The following MEF2C variants were observed in gnomAD, a reference collection of about 807,000 sequenced individuals.
The protein encoded by MEF2C is myocyte-specific enhancer factor 2C.
Under a neutral mutation model 50.5 loss-of-function variants are expected in MEF2C, and 6 were observed. That is an observed-to-expected ratio of 0.12 (90% CI 0.07 to 0.23). The LOEUF is 0.23. Ranked by LOEUF, MEF2C falls within the 10% of genes least tolerant of loss-of-function variation. MEF2C has a pLI of 1.00. For missense variants in MEF2C, 276 were observed against 605.0 expected (o/e 0.46, Z 5.70); for synonymous variants, 183 against 228.0 (o/e 0.80, Z 1.78).
intron 1 of MEF2C, among the ~76,000 whole-genome samples, chr5:88,855,385 C>T (rs540424076): frequency 3.9e-5 from 6 of 152,040 alleles, no homozygotes; most frequent in South Asian, 2.1e-4. Flanking sequence ...CTTCTTTTAA[C>T]GATTTTGGAT....
chr5:88,736,940 C>T (rs547613861), intron 6 of MEF2C: 20 of 985,072 alleles, frequency 2.0e-5, no homozygotes, highest in Non-Finnish European at 2.0e-5. Context: ...AAAGTTCCAA[C>T]TCTTTCATGA....
chr5:88,718,727 G>T lies in MEF2C; in HGVS notation c.*3877C>A, dbSNP rs946398937. The stretch of plus-strand genomic sequence containing the variant: ...ATCAATTTGAGGTATGAACAGGGAA[G>T]GCAAAATGCAATACCAGATTATGAA... On this transcript the variant is annotated 3_prime_UTR_variant, in exon 11 of 11. Coordinates refer to ENST00000504921, the MANE Select transcript of MEF2C (RefSeq NM_002397.5). 2.0e-5 allele frequency: 3 copies of T among 152,240 alleles called. No individual in the cohort carries two copies. Among genetic ancestry groups the T allele is most frequent in the East Asian group, 3.9e-4 (2 of 5,186 alleles). 9.4% of individuals were successfully genotyped at this position (152,240 alleles called of 1,614,324 possible).
Position 88,722,662 on chromosome 5 carries a change from T to G in MEF2C, c.1364A>C (p.Asp455Ala). The G allele has an allele frequency of 6.2e-7, 1 of 1,613,824 alleles. No individual in the cohort carries two copies. The highest frequency in any genetic ancestry group is 8.5e-7 in the Non-Finnish European group (1 of 1,179,848). ...SPIGLTRPSP[D>A]ERESPSVKRM... The stretch of plus-strand genomic sequence containing the variant: ...CTTGACTGAGGGACTTTCCCTTTCG[T>G]CCGGCGAAGGTCTGGTGAGTCCAAT... Residue 455 changes from aspartate to alanine, a missense_variant, in exon 11 of 11, where the codon GAC becomes GCC. Around this residue, in one of 2 missense-constraint regions of MEF2C, gnomAD observed 256 missense variants for 468.1 expected, o/e 0.55. Coordinates refer to ENST00000504921, the MANE Select transcript of MEF2C (RefSeq NM_002397.5).
rs1490130440 is a variant in MEF2C, at chr5:88,751,938, A to G, written c.508T>C (p.Leu170=). The part of the protein sequence containing the change: ...PVSSLGNPNL[L]PLAHPSLQRN... ...TGCAGAGAAGGGTGAGCCAGTGGCA[A>G]TAGGTTGGGGTTTCCCAGTGAGCTG... is the stretch of plus-strand genomic sequence containing the variant. The change falls in exon 5 of 11, where the codon TTG becomes CTG. Residue 170 remains leucine (L), a synonymous_variant. Transcript: ENST00000504921. 17 of 1,614,012 alleles carry G rather than the reference A, an allele frequency of 1.1e-5. No individual in the cohort carries two copies. Among genetic ancestry groups the G allele is most frequent in the Non-Finnish European group, 1.3e-5 (15 of 1,179,878 alleles).
rs538732630 is a variant in MEF2C at position 88,775,551 on chromosome 5, T to G, written c.259-14223A>C. ...GGCCTATATAGACTAAGTTACTTTA[T>G]TATCAGGTTAATTTTTTTCAAAATT... On this transcript the variant is annotated intron_variant, in intron 3 of 10. Transcript: ENST00000504921. Among the ~76,000 whole-genome samples the G allele has an allele frequency of 2.6e-5, 4 of 152,324 alleles. No homozygotes were observed. The South Asian group carries it at 8.3e-4, about 32-fold the overall frequency.
rs2152204096 is a variant in MEF2C, at chr5:88,728,421, C to T, written c.1100+72G>A. On this transcript the variant is annotated intron_variant, in intron 10 of 10. Coordinates refer to ENST00000504921, the MANE Select transcript of MEF2C (RefSeq NM_002397.5). ...TACCCGTTAATGGGATATTGAAGCA[C>T]ATATTTAGAGACTGTCATTTGTTTT... is the stretch of plus-strand genomic sequence containing the variant. 4 of 1,178,722 alleles carry T rather than the reference C, an allele frequency of 3.4e-6. No individual in the cohort carries two copies. The East Asian group carries it at 9.0e-5, about 27-fold the overall frequency. The allele number at this position is 1,178,722 out of a possible 1,614,324, so 73.0% of individuals were successfully genotyped here.
chr5:88,787,508 T>A (rs2152934503), intron 3 of MEF2C, among the ~76,000 whole-genome samples: 1 of 152,294 alleles, frequency 6.6e-6, no homozygotes, highest in East Asian at 1.9e-4. Context: ...AATGAGAGTG[T>A]GTGATGTTGC....
At chr5:88,780,676 T>C (rs1787529524) in intron 3 of MEF2C, 1 of 797,428 alleles carries the variant, frequency 1.3e-6, no homozygotes, top group Non-Finnish European at 1.5e-6. Context: ...ACATATATAT[T>C]TCACTGTTAA....
At chr5:88,785,685 C>A (rs1790516286) in intron 3 of MEF2C, 1 of 152,148 alleles carries the variant, frequency 6.6e-6, no homozygotes, top group Admixed American at 6.5e-5. Flanking sequence ...ACACGACGTA[C>A]ATTATTTTAC....
chr5:88,722,096 T>G lies in MEF2C; in HGVS notation c.*508A>C, dbSNP rs1386239844. 6.5e-6 allele frequency: 1 copy of G among 153,838 alleles called. No individual in the cohort carries two copies. The highest frequency in any genetic ancestry group is 6.4e-5 in the Admixed American group (1 of 15,506). 9.5% of individuals were successfully genotyped at this position (153,838 alleles called of 1,614,324 possible). On this transcript the variant is annotated 3_prime_UTR_variant, in exon 11 of 11. Transcript: ENST00000504921. ...ATACGCCAATGATATGCCTGCAGGT[T>G]TGTGAGCATTCTTGGGATGTCAGGT...
At chr5:88,865,538 G>A (rs1827016080) in intron 1 of MEF2C, among the ~76,000 whole-genome samples, 1 of 152,052 alleles carries the variant, frequency 6.6e-6, no homozygotes. Flanking sequence ...GGTAATCCAG[G>A]CCTTTACAGT....
chr5:88,827,982 TA>T (rs1053128544), intron 1 of MEF2C, among the ~76,000 whole-genome samples: 4 of 151,608 alleles, frequency 2.6e-5, no homozygotes, highest in Non-Finnish European at 5.9e-5. Flanking sequence ...CGAGGTTCTT[TA>T]AAAAAATTCA....
intron 1 of MEF2C, chr5:88,888,903 T>C (rs886842471): frequency 1.3e-5 from 2 of 152,226 alleles, no homozygotes; most frequent in African/African-American, 2.4e-5. Flanking sequence ...TTGTTAAATG[T>C]TGTTCATCAG....
At chr5:88,732,073 T>C (rs1448463766) in intron 6 of MEF2C, among the ~76,000 whole-genome samples, 172 bp from the exon 7 acceptor site, 3 of 152,178 alleles carry the variant, frequency 2.0e-5, no homozygotes, top group Non-Finnish European at 4.4e-5. Flanking sequence ...AAGTATTCAA[T>C]AGTCCTCTGA....
chr5:88,750,503 T>C (rs1288175246), intron 5 of MEF2C, among the ~76,000 whole-genome samples: 1 of 152,140 alleles, frequency 6.6e-6, no homozygotes, highest in Non-Finnish European at 1.5e-5. Flanking sequence ...CCACTGCATC[T>C]GGCCTTCGTT....
intron 3 of MEF2C, among the ~76,000 whole-genome samples, chr5:88,791,151 T>C (rs536391357): frequency 2.6e-5 from 4 of 152,332 alleles, no homozygotes; most frequent in African/African-American, 9.6e-5. Flanking sequence ...GGCTAGAATG[T>C]AACATTTGGT....
intron 6 of MEF2C, chr5:88,733,949 T>C: frequency 1.0e-6 from 1 of 985,250 alleles, no homozygotes; most frequent in Non-Finnish European, 1.2e-6. Flanking sequence ...ACCCCCAAAT[T>C]TTCTTTACAG....
At chr5:88,867,521 T>C (rs1430424622) in intron 1 of MEF2C, among the ~76,000 whole-genome samples, 1 of 152,190 alleles carries the variant, frequency 6.6e-6, no homozygotes, top group Non-Finnish European at 1.5e-5. Context: ...AATTAATGCA[T>C]ATAAAACTTC....
At chr5:88,853,474 A>G (rs17487515) in intron 1 of MEF2C, among the ~76,000 whole-genome samples, 63,318 of 152,054 alleles carry the variant, frequency 0.42, 13,804 homozygotes, top group East Asian at 0.48. Flanking sequence ...CACTATAATT[A>G]AATGGGCACA....
Sources: gnomAD v4.1 joint callset for allele counts (sites outside exome capture counted in the v4.1 genomes callset) on GRCh38, gnomAD v4.1.1 for gene constraint, gnomAD v4.1.1 regional missense constraint, MANE v1.5 for transcripts, NCBI Gene and HGNC (gene_info 2026-07-23, HGNC 2026-07-21) for gene names.